The following CHD7 variants were observed in gnomAD, a reference collection of about 807,000 sequenced individuals.
CHD7 encodes the protein ATP-dependent chromatin remodeler CHD7.
In CHD7, 24 loss-of-function variants were observed where a neutral mutation model predicts 307.3. The ratio of observed to expected loss-of-function variants is 0.08; its 90% CI spans 0.06 to 0.11. The LOEUF is 0.11. CHD7 is among the 10% of genes least tolerant of loss of function. The pLI is 1.00. For synonymous variants in CHD7, 1,363 were observed against 1,349.9 expected, an observed-to-expected ratio of 1.01 and a Z score of -0.21; for missense variants, 3,106 against 3,727.1, an observed-to-expected ratio of 0.83 and a Z score of 4.34.
chr8:60,794,670 C>T (rs922715991), intron 3 of CHD7, among the ~76,000 whole-genome samples: 8 of 152,102 alleles, frequency 5.3e-5, no homozygotes, highest in Admixed American at 1.3e-4. Context: ...CTTAAAAATT[C>T]GATAGCAAAA....
intron 1 of CHD7, among the ~76,000 whole-genome samples, chr8:60,738,201 A>T (rs984448916): frequency 6.6e-6 from 1 of 152,322 alleles, no homozygotes; most frequent in South Asian, 2.1e-4. Context: ...AGGAATTGAG[A>T]TGTACTGTAA....
intron 1 of CHD7, among the ~76,000 whole-genome samples, chr8:60,711,055 A>G (rs1394353410): frequency 6.6e-6 from 1 of 152,180 alleles, no homozygotes; most frequent in Non-Finnish European, 1.5e-5. Context: ...AGACCAGTTG[A>G]CATTTGGTGA....
chr8:60,859,286 ACC>A (rs1805856427), intron 34 of CHD7, among the ~76,000 whole-genome samples: 1 of 152,224 alleles, frequency 6.6e-6, no homozygotes, highest in Non-Finnish European at 1.5e-5. Flanking sequence ...CAGCAGTGTT[ACC>A]TGGATGAAAG....
At position 60,861,110 on chromosome 8, in the gene CHD7, G is replaced by A. The variant is rs1586460304; in HGVS notation, c.7815G>A (p.Met2605Ile). The A allele has an allele frequency of 1.9e-6, 3 of 1,589,698 alleles. No individual in the cohort carries two copies. Among genetic ancestry groups the A allele is most frequent in the East Asian group, 2.3e-5 (1 of 43,856 alleles). Reference sequence around the variant, plus strand: ...TGCACCCTACTTACACTGTTGATATGCCAAGTTATGTACCAGTGAGTATTG... The same window carrying A: ...TGCACCCTACTTACACTGTTGATATACCAAGTTATGTACCAGTGAGTATTG... ...LKLHPTYTVD[M>I]PSYVPKNADV... The change falls in exon 35 of 38, where the codon ATG becomes ATA. Residue 2605 changes from methionine to isoleucine, a missense_variant. Around this residue, in one of 10 missense-constraint regions of CHD7, gnomAD observed 1,030 missense variants for 1,165.4 expected, o/e 0.88. Coordinates refer to ENST00000423902, the MANE Select transcript of CHD7 (RefSeq NM_017780.4).
intron 1 of CHD7, among the ~76,000 whole-genome samples, chr8:60,725,355 G>C (rs1357733130): frequency 1.3e-5 from 2 of 152,228 alleles, no homozygotes; most frequent in East Asian, 1.9e-4. Context: ...TCTTCTATCT[G>C]TATAGTCCGG....
chr8:60,695,479 A>G (rs1041339567), intron 1 of CHD7, among the ~76,000 whole-genome samples: 2 of 152,218 alleles, frequency 1.3e-5, no homozygotes, highest in African/African-American at 2.4e-5. Flanking sequence ...ACAGAAATGC[A>G]GGTACTAGAA....
chr8:60,742,739 C>G lies in CHD7; in HGVS notation c.1307C>G (p.Ser436Cys). The G allele has an allele frequency of 2.5e-6, 4 of 1,613,984 alleles. No homozygotes were observed. The highest frequency in any genetic ancestry group is 3.4e-6 in the Non-Finnish European group (4 of 1,179,846). The change falls in exon 2 of 38, where the codon TCT becomes TGT. Residue 436 changes from serine (S) to cysteine (C), a missense_variant. Ser to Cys is a moderately radical substitution (Grantham distance 112, BLOSUM62 -1). Transcript: ENST00000423902. Reference sequence around the variant, plus strand: ...CCAAATATGCCCCATCCTCAGCCATCTCACCAGCCCCCTGGTGCCATGGGA... The same window carrying G: ...CCAAATATGCCCCATCCTCAGCCATGTCACCAGCCCCCTGGTGCCATGGGA... ...SYPNMPHPQPSHQPPGAMGIG... is the reference protein window; with the variant it reads ...SYPNMPHPQPCHQPPGAMGIG...
chr8:60,787,891 C>T (rs1461905183), intron 3 of CHD7, among the ~76,000 whole-genome samples: 2 of 148,436 alleles, frequency 1.3e-5, no homozygotes, highest in African/African-American at 5.0e-5. Context: ...GGCAGTGGCA[C>T]GATCTCGGCT....
In CHD7 at chr8:60,866,072, G is replaced by A. The variant is rs2129775581; in HGVS notation, c.*139G>A. The A allele has an allele frequency of 1.4e-6, 1 of 709,358 alleles. No individual in the cohort carries two copies. The highest frequency in any genetic ancestry group is 2.4e-6 in the Non-Finnish European group (1 of 423,752). The allele number at this position is 709,358 out of a possible 1,614,324, so 43.9% of individuals were successfully genotyped here. A position where few individuals can be genotyped will look rare whatever the true frequency, so the allele number is the denominator to read the frequency against. On this transcript the variant is annotated 3_prime_UTR_variant, in exon 38 of 38. Coordinates refer to ENST00000423902, the MANE Select transcript of CHD7 (RefSeq NM_017780.4). Reference sequence around the variant, plus strand: ...TAGCAAAAAAAAAAGTTCAAGTCATGTTATACAGGTGTGTCAAAAGGTATC... The same window carrying A: ...TAGCAAAAAAAAAAGTTCAAGTCATATTATACAGGTGTGTCAAAAGGTATC...
chr8:60,687,692 A>G (rs552743883), intron 1 of CHD7, among the ~76,000 whole-genome samples: 21 of 152,366 alleles, frequency 1.4e-4, no homozygotes, highest in African/African-American at 5.0e-4. Context: ...GTAGTTACTC[A>G]GCTGAGTGTT....
intron 1 of CHD7, among the ~76,000 whole-genome samples, chr8:60,703,355 G>T (rs1254961303): frequency 6.6e-6 from 1 of 152,192 alleles, no homozygotes; most frequent in Non-Finnish European, 1.5e-5. Context: ...TTTGACCAGT[G>T]ATTGGTCATA....
chr8:60,808,860 T>C (rs1229969620), intron 7 of CHD7: 1 of 152,370 alleles, frequency 6.6e-6, no homozygotes, highest in Non-Finnish European at 1.5e-5. Flanking sequence ...ACAGATATTG[T>C]GATGAGCTAG....
intron 24 of CHD7, among the ~76,000 whole-genome samples, 157 bp from the exon 25 acceptor site, chr8:60,848,894 G>C (rs1232529321): frequency 6.6e-6 from 1 of 152,178 alleles, no homozygotes; most frequent in East Asian, 1.9e-4. Flanking sequence ...TCATGGCAGA[G>C]GGCTACTGAC....
intron 1 of CHD7, among the ~76,000 whole-genome samples, chr8:60,688,868 G>T (rs1236686087): frequency 1.3e-5 from 2 of 152,138 alleles, no homozygotes; most frequent in Admixed American, 6.5e-5. Flanking sequence ...AAATCTATAG[G>T]AGCTCCAGAT....
At chr8:60,861,683 A>G (rs1236508770) in intron 35 of CHD7, 2 of 154,004 alleles carry the variant, frequency 1.3e-5, no homozygotes, top group Non-Finnish European at 2.9e-5. Context: ...TGCTTTCTGT[A>G]TTTATGTGAT....
intron 29 of CHD7, 89 bp downstream of exon 29, chr8:60,852,336 A>C: frequency 7.4e-7 from 1 of 1,355,444 alleles, no homozygotes; most frequent in Admixed American, 2.2e-5. Context: ...ACTCATATCA[A>C]AGGTAGTGAC....
At chr8:60,746,969 A>G (rs1809358106) in intron 2 of CHD7, among the ~76,000 whole-genome samples, 1 of 152,244 alleles carries the variant, frequency 6.6e-6, no homozygotes, top group Non-Finnish European at 1.5e-5. Flanking sequence ...ACACATTCTT[A>G]AAAATTACTG....
Position 60,800,501 on chromosome 8 carries a change from C to T in CHD7, c.2352C>T (p.Ser784=). ...ATGCTGCTGGGAGGGATTCCCCCTC[C>T]AACACCTCCCAGTCAGAACAGCAGG... The part of the protein sequence containing the change: ...DADAAGRDSP[S]NTSQSEQQES... Residue 784 remains serine, a synonymous_variant, in exon 5 of 38, where the codon TCC becomes TCT. Coordinates refer to ENST00000423902, the MANE Select transcript of CHD7 (RefSeq NM_017780.4). The T allele has an allele frequency of 6.2e-7, 1 of 1,613,684 alleles. No homozygotes were observed. Among genetic ancestry groups the T allele is most frequent in the Non-Finnish European group, 8.5e-7 (1 of 1,179,750 alleles).
intron 1 of CHD7, among the ~76,000 whole-genome samples, chr8:60,723,404 C>T (rs758631404): frequency 6.6e-6 from 1 of 152,008 alleles, no homozygotes; most frequent in Non-Finnish European, 1.5e-5. Flanking sequence ...AAAGCCTGCA[C>T]CTCAGTTATA....
Sources: allele counts gnomAD v4.1 joint callset (sites outside exome capture counted in the v4.1 genomes callset), GRCh38; gene constraint gnomAD v4.1.1; regional missense constraint gnomAD v4.1.1; transcripts MANE v1.5; gene names NCBI Gene and HGNC (gene_info 2026-07-23, HGNC 2026-07-21).